The following KIF3C variants were observed in gnomAD, a reference collection of about 807,000 sequenced individuals.
KIF3C encodes kinesin family member 3C.
A neutral mutation model predicts 67.7 loss-of-function variants in KIF3C; 12 were observed. The observed-to-expected ratio is 0.18, with a 90% CI of 0.11 to 0.29. The LOEUF (loss-of-function observed/expected upper bound fraction) is 0.29, where lower values mean the gene tolerates loss of function less well. Ranked by LOEUF, KIF3C falls within the 10% of genes least tolerant of loss-of-function variation. The pLI, the probability that KIF3C is intolerant of heterozygous loss-of-function variation, is 1.00. For synonymous variants in KIF3C, 393 were observed against 426.2 expected (o/e 0.92, Z 0.96); for missense variants, 789 against 1,059.6 (o/e 0.74, Z 3.55).
Position 25,980,554 on chromosome 2 carries a change from T to C in KIF3C, c.1364A>G (p.Lys455Arg). 1.2e-6 allele frequency: 2 copies of C among 1,614,182 alleles called. No individual in the cohort carries two copies. Among genetic ancestry groups the C allele is most frequent in the South Asian group, 2.2e-5 (2 of 91,084 alleles). ...TTCCTGCAGGTAATTCTCCATGTTCTTCTCCAAGGCTGACTCCAGGATGGG... is the reference window on the plus strand; with the variant it reads ...TTCCTGCAGGTAATTCTCCATGTTCCTCTCCAAGGCTGACTCCAGGATGGG... ...PQPILESALE[K>R]NMENYLQEQK... is the part of the protein sequence containing the mutation. Residue 455 changes from lysine (K) to arginine (R), a missense_variant, in exon 1 of 8, where the codon AAG becomes AGG. By Grantham distance (26) the Lys-to-Arg change is conservative. Transcript: ENST00000264712. This position sits in a 1 kb window ranked among gnomAD's most constrained non-coding sequence, Gnocchi z 7.6.
At chr2:25,962,953 T>C (rs1214705226) in intron 1 of KIF3C, among the ~76,000 whole-genome samples, 2 of 35,900 alleles carry the variant, frequency 5.6e-5, no homozygotes, top group East Asian at 0.02. Flanking sequence ...TAATATATAA[T>C]ATATAATATA....
chr2:25,974,659 A>G (rs1317946763), intron 1 of KIF3C, among the ~76,000 whole-genome samples: 4 of 152,102 alleles, frequency 2.6e-5, no homozygotes, highest in Non-Finnish European at 5.9e-5. Context: ...ACTTCATATA[A>G]TAAGGCCAGC....
At chr2:25,974,374 T>C (rs1436387439) in intron 1 of KIF3C, among the ~76,000 whole-genome samples, 1 of 152,094 alleles carries the variant, frequency 6.6e-6, no homozygotes, top group African/African-American at 2.4e-5. Context: ...GGCCTTTTTC[T>C]TTTTTTCCTA....
At chr2:25,930,111 A>T (rs758648835) in intron 5 of KIF3C, 48 bp from the exon 6 acceptor site, 181 of 1,440,358 alleles carry the variant, frequency 1.3e-4, no homozygotes, top group Non-Finnish European at 1.7e-4. Context: ...GAACACAAAC[A>T]GCAAATGACA....
intron 7 of KIF3C, 77 bp downstream of exon 7, chr2:25,929,228 C>A: frequency 1.3e-6 from 2 of 1,531,162 alleles, no homozygotes; most frequent in Admixed American, 3.4e-5. Flanking sequence ...CAGCAAAACC[C>A]TCTTTAGCAT....
intron 4 of KIF3C, 29 bp downstream of exon 4, chr2:25,954,238 C>T (rs780102112): frequency 1.3e-6 from 2 of 1,535,934 alleles, no homozygotes; most frequent in Middle Eastern, 1.7e-4. Flanking sequence ...GCTGTGGGGA[C>T]CCGGGATGAA....
intron 1 of KIF3C, among the ~76,000 whole-genome samples, chr2:25,956,698 G>A (rs6734138): frequency 0.25 from 37,817 of 152,088 alleles, 5,294 homozygotes; most frequent in African/African-American, 0.38. Context: ...AGGGCAACTG[G>A]TCTGTTTGCT....
At chr2:25,968,600 A>C (rs1278794350) in intron 1 of KIF3C, among the ~76,000 whole-genome samples, 1 of 152,142 alleles carries the variant, frequency 6.6e-6, no homozygotes, top group African/African-American at 2.4e-5. Flanking sequence ...TCAGAACTGG[A>C]TGAACCTAAG....
At chr2:25,959,660 G>A (rs1165998118) in intron 1 of KIF3C, among the ~76,000 whole-genome samples, 4 of 151,938 alleles carry the variant, frequency 2.6e-5, no homozygotes, top group African/African-American at 9.7e-5. Context: ...GGCTGGTCTC[G>A]AACTCCTGAC....
intron 5 of KIF3C, among the ~76,000 whole-genome samples, chr2:25,951,094 T>C (rs1663597642): frequency 6.6e-6 from 1 of 152,066 alleles, no homozygotes; most frequent in Non-Finnish European, 1.5e-5. Context: ...GTGTCCAGCC[T>C]CCTAAGCACC....
rs2149220543 is a variant in KIF3C at position 25,929,981 on chromosome 2, C to T, written c.2089G>A (p.Ala697Thr). 1 of 1,613,976 alleles carries T rather than the reference C, an allele frequency of 6.2e-7. No individual in the cohort carries two copies. Among genetic ancestry groups the T allele is most frequent in the Non-Finnish European group, 8.5e-7 (1 of 1,179,846 alleles). ...CTGTACCTGGGGTGGGACCCCATTGCCATGGCAACCCGAGCATACTGGCTG... is the reference window on the plus strand; with the variant it reads ...CTGTACCTGGGGTGGGACCCCATTGTCATGGCAACCCGAGCATACTGGCTG... ...PISQYARVAM[A>T]MGSHPRYRAE... is the part of the protein sequence containing the mutation. The change falls in exon 6 of 8, where the codon GCA becomes ACA. Residue 697 changes from alanine (A) to threonine (T), a missense_variant. Coordinates refer to ENST00000264712, the MANE Select transcript of KIF3C (RefSeq NM_002254.8).
chr2:25,968,355 G>A (rs1664195605), intron 1 of KIF3C, among the ~76,000 whole-genome samples: 1 of 152,054 alleles, frequency 6.6e-6, no homozygotes, highest in African/African-American at 2.4e-5. Context: ...GGGATGAGGC[G>A]AGCTGGACTC....
At chr2:25,934,260 G>A in intron 5 of KIF3C, 1 of 450,742 alleles carries the variant, frequency 2.2e-6, no homozygotes, top group Non-Finnish European at 4.6e-6. Flanking sequence ...ATTGGTTCAG[G>A]GTTTCTTTTT....
chr2:25,938,761 G>A (rs142667508), intron 5 of KIF3C, among the ~76,000 whole-genome samples: 8 of 152,136 alleles, frequency 5.3e-5, no homozygotes, highest in South Asian at 2.1e-4. Flanking sequence ...CTGGGTCTGC[G>A]TTTATGCACC....
chr2:25,973,189 G>A (rs186728872), intron 1 of KIF3C, among the ~76,000 whole-genome samples: 3 of 151,988 alleles, frequency 2.0e-5, no homozygotes, highest in East Asian at 3.9e-4. Context: ...ACTGACATTC[G>A]GTCTCTCCTT....
rs78025339 is a variant in KIF3C, at chr2:25,955,408, C to T, written c.1770+133G>A. The T allele has an allele frequency of 1.9e-5, 22 of 1,152,078 alleles. No individual in the cohort carries two copies. The highest frequency in any genetic ancestry group is 1.7e-4 in the East Asian group (7 of 41,912). 71.4% of individuals were successfully genotyped at this position (1,152,078 alleles called of 1,614,324 possible). A position where few individuals can be genotyped will look rare whatever the true frequency, so the allele number is the denominator to read the frequency against. On this transcript the variant is annotated intron_variant, in intron 3 of 7. Coordinates refer to ENST00000264712, the MANE Select transcript of KIF3C (RefSeq NM_002254.8). This position sits in a 1 kb window ranked among gnomAD's most constrained non-coding sequence, Gnocchi z 5.0. ...CCTGCCTCCCCCTGTTGCTCACCCC[C>T]GAGGCCAAGCCATGTCACTCAGGGG...
intron 5 of KIF3C, among the ~76,000 whole-genome samples, chr2:25,934,975 G>A (rs868115298): frequency 1.3e-4 from 20 of 152,088 alleles, no homozygotes; most frequent in African/African-American, 4.8e-4. Context: ...CAGGCGCAGT[G>A]GCTCATGCCT....
At chr2:25,932,118 C>T (rs1328117239) in intron 5 of KIF3C, among the ~76,000 whole-genome samples, 2 of 151,392 alleles carry the variant, frequency 1.3e-5, no homozygotes, top group Non-Finnish European at 2.9e-5. Flanking sequence ...TCTCCTGCCT[C>T]AGCCTCCCGA....
intron 1 of KIF3C, among the ~76,000 whole-genome samples, chr2:25,979,877 G>A (rs1014665065): frequency 6.6e-6 from 1 of 152,186 alleles, no homozygotes; most frequent in African/African-American, 2.4e-5. Context: ...GACCCTGGAT[G>A]GCCAAAGGAT....
Sources: gnomAD v4.1 joint callset for allele counts (sites outside exome capture counted in the v4.1 genomes callset) on GRCh38, gnomAD v4.1.1 for gene constraint, Gnocchi (gnomAD v3.1) non-coding constraint, MANE v1.5 for transcripts, NCBI Gene and HGNC (gene_info 2026-07-23, HGNC 2026-07-21) for gene names.